Variants in STK38L observed in about 807,000 individuals in gnomAD.
STK38L encodes the protein serine/threonine-protein kinase 38-like.
In STK38L, 28 loss-of-function variants were observed where a neutral mutation model predicts 59.7. The ratio of observed to expected loss-of-function variants is 0.47; its 90% CI spans 0.35 to 0.64. The LOEUF (loss-of-function observed/expected upper bound fraction) is 0.64. Among genes scored for constraint, STK38L ranks in the 30% least tolerant of loss-of-function variants. STK38L has a pLI of 0.01. For synonymous variants in STK38L, 162 were observed against 176.8 expected (o/e 0.92, Z 0.66); for missense variants, 314 against 555.8 (o/e 0.56, Z 4.37).
At chr12:27,273,342 T>C (rs906264241) in intron 1 of STK38L, among the ~76,000 whole-genome samples, 1 of 152,150 alleles carries the variant, frequency 6.6e-6, no homozygotes, top group African/African-American at 2.4e-5. Flanking sequence ...CACCTACGCA[T>C]GGCTTGGGAG....
chr12:27,300,264 T>TGCACAA (rs1944133221), intron 2 of STK38L, among the ~76,000 whole-genome samples: 1 of 152,218 alleles, frequency 6.6e-6, no homozygotes, highest in African/African-American at 2.4e-5. Context: ...ATTGGATAAA[T>TGCACAA]GCATAAGCCC....
intron 9 of STK38L, among the ~76,000 whole-genome samples, chr12:27,315,594 A>G (rs1944566851): frequency 6.6e-6 from 1 of 152,228 alleles, no homozygotes; most frequent in East Asian, 1.9e-4. Flanking sequence ...TAAGCTGTTT[A>G]CTAGTAATTA....
At chr12:27,270,142 T>C (rs1943393232) in intron 1 of STK38L, among the ~76,000 whole-genome samples, 1 of 152,204 alleles carries the variant, frequency 6.6e-6, no homozygotes, top group African/African-American at 2.4e-5. Flanking sequence ...ATTTCAAAAG[T>C]TTAATCTTAA....
At position 27,244,293 on chromosome 12, in the gene STK38L, G is replaced by C. The variant is rs1357730721; in HGVS notation, c.-51G>C. On this transcript the variant is annotated 5_prime_UTR_variant, in exon 1 of 14. Transcript: ENST00000389032. ...ACGGGCGCCCGGCCGGCTGCGGTCCGTGCGGAGGCTGAGCCGGCCGCGGGC... is the reference window on the plus strand; with the variant it reads ...ACGGGCGCCCGGCCGGCTGCGGTCCCTGCGGAGGCTGAGCCGGCCGCGGGC... The C allele has an allele frequency of 2.0e-5, 3 of 152,300 alleles. No homozygotes were observed. The highest frequency in any genetic ancestry group is 4.4e-5 in the Non-Finnish European group (3 of 68,098). The allele number at this position is 152,300 out of a possible 1,614,324, so 9.4% of individuals were successfully genotyped here.
chr12:27,273,888 T>C (rs951169002), intron 1 of STK38L, among the ~76,000 whole-genome samples: 1 of 152,224 alleles, frequency 6.6e-6, no homozygotes, highest in Non-Finnish European at 1.5e-5. Context: ...TTTGTAGAAA[T>C]TGAAACATAA....
chr12:27,259,345 A>G (rs1943155264), intron 1 of STK38L, among the ~76,000 whole-genome samples: 1 of 152,168 alleles, frequency 6.6e-6, no homozygotes, highest in African/African-American at 2.4e-5. Context: ...GGCTCACAGT[A>G]GACAACTGGT....
intron 1 of STK38L, among the ~76,000 whole-genome samples, chr12:27,251,795 G>T (rs1206830322): frequency 1.3e-5 from 2 of 152,154 alleles, no homozygotes; most frequent in Non-Finnish European, 2.9e-5. Context: ...TTTTAGTTCT[G>T]CATTTTAAAT....
At chr12:27,314,344 T>C (rs1944531683) in intron 6 of STK38L, among the ~76,000 whole-genome samples, 160 bp from the exon 7 acceptor site, 1 of 143,032 alleles carries the variant, frequency 7.0e-6, no homozygotes, top group Non-Finnish European at 1.5e-5. Context: ...GAGGTTGCAG[T>C]GAGCCATGAT....
intron 1 of STK38L, among the ~76,000 whole-genome samples, chr12:27,274,184 C>T (rs1275378109): frequency 6.7e-6 from 1 of 148,648 alleles, no homozygotes; most frequent in Non-Finnish European, 1.5e-5. Flanking sequence ...ACCCAGGAGG[C>T]CAAGAGCGCG....
intron 1 of STK38L, among the ~76,000 whole-genome samples, chr12:27,293,201 TTTCCTCAAAAGTTTTGTTCCTTAATG>T (rs1943935005): frequency 6.6e-6 from 1 of 152,222 alleles, no homozygotes; most frequent in South Asian, 2.1e-4. Context: ...TTCACAAAAA[TTTCCTCAAAAGTTTTGTTCCTTAATG>T]TTCCTCAAAA....
rs1313597864 is a variant in STK38L, at chr12:27,315,344, A to G, written c.831A>G (p.Arg277=). The G allele has an allele frequency of 6.2e-7, 1 of 1,613,356 alleles. No individual in the cohort carries two copies. Among genetic ancestry groups the G allele is most frequent in the Admixed American group, 1.7e-5 (1 of 59,938 alleles). The change falls in exon 9 of 14, where the codon AGA becomes AGG. Residue 277 remains arginine (R), a synonymous_variant. Transcript: ENST00000389032. ...RKAETWKKNR[R]QLAYSTVGTP... ...CAGAAACTTGGAAGAAGAACAGGAG[A>G]CAACTGGTGAGTCAACCAGTTTTTA...
intron 1 of STK38L, among the ~76,000 whole-genome samples, chr12:27,248,446 C>A (rs1942903428): frequency 6.6e-6 from 1 of 152,126 alleles, no homozygotes; most frequent in Non-Finnish European, 1.5e-5. Flanking sequence ...CAGGAATAGT[C>A]CACATTTGTT....
chr12:27,273,054 C>CT lies in STK38L; in HGVS notation c.-11-24644dup, dbSNP rs531302215. Among the ~76,000 whole-genome samples, 100 of 143,378 alleles carry CT rather than the reference C, an allele frequency of 7.0e-4. 1 individual carries two copies. The highest frequency in any genetic ancestry group is 4.8e-3 in the South Asian group (22 of 4,540). The allele number at this position is 143,378 out of a possible 152,430, so 94.1% of individuals were successfully genotyped here. A position where few individuals can be genotyped will look rare whatever the true frequency, so the allele number is the denominator to read the frequency against. Reference sequence around the variant, plus strand: ...GTCAGAAATACTTACTGATTTTTTTCTTTTTTTTTTTTAAGATCCTCATGA... The same window carrying CT: ...GTCAGAAATACTTACTGATTTTTTTCTTTTTTTTTTTTTAAGATCCTCATGA... On this transcript the variant is annotated intron_variant, in intron 1 of 13. Coordinates refer to ENST00000389032, the MANE Select transcript of STK38L (RefSeq NM_015000.4).
chr12:27,283,811 T>A (rs11048964), intron 1 of STK38L, among the ~76,000 whole-genome samples: 6,939 of 152,254 alleles, frequency 0.046, 520 homozygotes, highest in African/African-American at 0.16. Flanking sequence ...TGAATATATG[T>A]ACACTTAGGT....
intron 9 of STK38L, among the ~76,000 whole-genome samples, chr12:27,315,696 C>T (rs540335406): frequency 2.6e-5 from 4 of 152,266 alleles, no homozygotes; most frequent in Admixed American, 2.6e-4. Context: ...TGTTACAAAT[C>T]CTGATACAAC....
chr12:27,318,794 A>G (rs182397825), intron 11 of STK38L, among the ~76,000 whole-genome samples: 12 of 152,266 alleles, frequency 7.9e-5, no homozygotes, highest in Admixed American at 6.5e-4. Context: ...AATCAAAACC[A>G]TCCTGGCTAA....
In STK38L at chr12:27,308,844, A is replaced by G. The variant is rs1238599749; in HGVS notation, c.310-270A>G. Among the ~76,000 whole-genome samples the G allele has an allele frequency of 2.8e-5, 4 of 143,304 alleles. No individual in the cohort carries two copies. The highest frequency in any genetic ancestry group is 1.0e-4 in the African/African-American group (4 of 39,434). The allele number at this position is 143,304 out of a possible 152,430, so 94.0% of individuals were successfully genotyped here. On this transcript the variant is annotated intron_variant, in intron 4 of 13. Transcript: ENST00000389032. This position sits in a 1 kb window ranked among gnomAD's most constrained non-coding sequence, Gnocchi z 4.5. ...CAAAAAAATATATATATGTGTTTGT[A>G]TGTATATATAAAAAAATATATATAA...
intron 10 of STK38L, 142 bp downstream of exon 10, chr12:27,317,595 C>G (rs556258787): frequency 2.6e-6 from 2 of 769,202 alleles, no homozygotes; most frequent in African/African-American, 3.5e-5. Flanking sequence ...TAAATACATA[C>G]TGATCAATAC....
intron 3 of STK38L, among the ~76,000 whole-genome samples, chr12:27,304,792 C>T (rs1400856953): frequency 3.3e-5 from 5 of 151,888 alleles, no homozygotes; most frequent in Non-Finnish European, 4.4e-5. Context: ...AAGCAGGCAA[C>T]GGAAGTGAGA....
Sources: gnomAD v4.1 joint callset for allele counts (sites outside exome capture counted in the v4.1 genomes callset) on GRCh38, gnomAD v4.1.1 for gene constraint, Gnocchi (gnomAD v3.1) non-coding constraint, MANE v1.5 for transcripts, NCBI Gene and HGNC (gene_info 2026-07-23, HGNC 2026-07-21) for gene names.